Variants in LRMDA observed in about 807,000 individuals in gnomAD.
LRMDA encodes the protein leucine-rich melanocyte differentiation-associated protein.
LRMDA carries 18 observed loss-of-function variants against 29.8 expected under a neutral mutation model. That is an observed-to-expected ratio of 0.60 (90% CI 0.42 to 0.90). The LOEUF is 0.90. Among genes scored for constraint, LRMDA ranks in the 40% least tolerant of loss-of-function variants. The pLI is 0.00. For synonymous variants in LRMDA, 125 were observed against 109.4 expected, an observed-to-expected ratio of 1.14 and a Z score of -0.89; for missense variants, 273 against 273.9, an observed-to-expected ratio of 1.00 and a Z score of 0.02.
intron 5 of LRMDA, among the ~76,000 whole-genome samples, chr10:76,282,939 TC>T (rs35967082): frequency 6.6e-6 from 1 of 152,102 alleles, no homozygotes; most frequent in Non-Finnish European, 1.5e-5. Flanking sequence ...TTTGCTATTT[TC>T]CCTTGGTGTG....
chr10:75,999,979 C>G (rs1221175787), intron 2 of LRMDA, among the ~76,000 whole-genome samples: 1 of 152,172 alleles, frequency 6.6e-6, no homozygotes, highest in Non-Finnish European at 1.5e-5. Flanking sequence ...CTGACACTTG[C>G]TAACCTGTGA....
chr10:75,901,096 G>A (rs917637513), intron 2 of LRMDA, among the ~76,000 whole-genome samples: 1 of 152,150 alleles, frequency 6.6e-6, no homozygotes, highest in Non-Finnish European at 1.5e-5. Context: ...AGAGGGAAAG[G>A]GAGATGCAAG....
intron 5 of LRMDA, among the ~76,000 whole-genome samples, chr10:76,119,114 G>T (rs1849721844): frequency 6.6e-6 from 1 of 151,936 alleles, no homozygotes. Flanking sequence ...GTGAACATCT[G>T]TTGGTATTCC....
In LRMDA at chr10:75,638,583, G is replaced by A. The variant is rs1841415324; in HGVS notation, c.131+200089G>A. Among the ~76,000 whole-genome samples the A allele has an allele frequency of 1.3e-5, 2 of 152,108 alleles. 1 individual carries two copies. Among genetic ancestry groups the A allele is most frequent in the Admixed American group, 1.3e-4 (2 of 15,264 alleles). On this transcript the variant is annotated intron_variant, in intron 2 of 6. Transcript: ENST00000611255. ...TTGATGAAACCGTTTGTGATGTCCA[G>A]CATATATTTTGCTGCACACTGTGTG...
At chr10:75,798,213 C>A (rs958655107) in intron 2 of LRMDA, among the ~76,000 whole-genome samples, 2 of 151,792 alleles carry the variant, frequency 1.3e-5, no homozygotes, top group African/African-American at 4.8e-5. Flanking sequence ...GGATATAATT[C>A]CTTTATAAAG....
intron 6 of LRMDA, among the ~76,000 whole-genome samples, chr10:76,401,194 AGACTCAATGGATGGTATGCTCCAGT>A (rs1182790285): frequency 8.1e-4 from 124 of 152,246 alleles, no homozygotes; most frequent in African/African-American, 2.9e-3. Context: ...TCAGTGGATG[AGACTCAATGGATGGTATGCTCCAGT>A]GACTCAATGG....
chr10:75,754,313 A>T (rs963846506), intron 2 of LRMDA, among the ~76,000 whole-genome samples: 5 of 152,196 alleles, frequency 3.3e-5, no homozygotes, highest in African/African-American at 1.2e-4. Context: ...TGTAGCCAGG[A>T]TGCCATGTTG....
At chr10:76,338,347 T>C (rs1840994800) in intron 6 of LRMDA, among the ~76,000 whole-genome samples, 1 of 150,328 alleles carries the variant, frequency 6.7e-6, no homozygotes, top group Admixed American at 6.7e-5. Flanking sequence ...CGGGGCAGCA[T>C]AGTGAGACAC....
chr10:75,670,866 T>C (rs771282049), intron 2 of LRMDA, among the ~76,000 whole-genome samples: 3 of 152,164 alleles, frequency 2.0e-5, no homozygotes, highest in Non-Finnish European at 2.9e-5. Context: ...TGCGGACTCA[T>C]GCCTCTGCTT....
chr10:76,360,158 T>G (rs999056418), intron 6 of LRMDA, among the ~76,000 whole-genome samples: 1 of 152,048 alleles, frequency 6.6e-6, no homozygotes, highest in African/African-American at 2.4e-5. Flanking sequence ...CTAGCTAATT[T>G]TGTATTTTTA....
intron 2 of LRMDA, among the ~76,000 whole-genome samples, chr10:75,702,530 C>T (rs1842321212): frequency 6.6e-6 from 1 of 152,088 alleles, no homozygotes; most frequent in Admixed American, 6.5e-5. Context: ...TTCAGTGAAG[C>T]CCAGGTCTGA....
intron 2 of LRMDA, among the ~76,000 whole-genome samples, chr10:75,538,680 C>T (rs1242531698): frequency 6.6e-6 from 1 of 151,934 alleles, no homozygotes; most frequent in East Asian, 1.9e-4. Flanking sequence ...TCATCTATGC[C>T]TTTGTTAACT....
At chr10:75,954,482 T>C (rs1589265589) in intron 2 of LRMDA, among the ~76,000 whole-genome samples, 1 of 152,250 alleles carries the variant, frequency 6.6e-6, no homozygotes, top group East Asian at 1.9e-4. Context: ...TTTATGACTC[T>C]GAAATGGGGG....
intron 5 of LRMDA, among the ~76,000 whole-genome samples, chr10:76,299,845 G>A (rs1290605285): frequency 6.6e-6 from 1 of 152,140 alleles, no homozygotes; most frequent in Non-Finnish European, 1.5e-5. Flanking sequence ...CAAAGAAATG[G>A]AGGCCTGAGA....
chr10:75,453,861 T>C (rs1424434361), intron 2 of LRMDA, among the ~76,000 whole-genome samples: 1 of 152,234 alleles, frequency 6.6e-6, no homozygotes, highest in Non-Finnish European at 1.5e-5. Context: ...CTGACACCTG[T>C]GTAACAAAAG....
chr10:75,543,845 G>A (rs567537147), intron 2 of LRMDA, among the ~76,000 whole-genome samples: 1 of 152,032 alleles, frequency 6.6e-6, no homozygotes, highest in Admixed American at 6.6e-5. Flanking sequence ...AAACATGACA[G>A]TAAGCTGAAA....
intron 2 of LRMDA, among the ~76,000 whole-genome samples, chr10:75,929,994 G>A (rs896811857): frequency 2.0e-5 from 3 of 152,164 alleles, no homozygotes; most frequent in African/African-American, 7.2e-5. Context: ...AAAGACCTTA[G>A]GAAATCTTGT....
chr10:76,363,136 A>AGAAG (rs1841333468), intron 6 of LRMDA, among the ~76,000 whole-genome samples: 1 of 30,556 alleles, frequency 3.3e-5, no homozygotes, highest in African/African-American at 1.5e-4. Context: ...AAAGAAAGAA[A>AGAAG]GAAAGAAAGA....
chr10:76,238,593 A>G (rs987546666), intron 5 of LRMDA, among the ~76,000 whole-genome samples: 1 of 151,976 alleles, frequency 6.6e-6, no homozygotes, highest in Admixed American at 6.6e-5. Flanking sequence ...AGGTAGAAAC[A>G]CATAAGGATA....
Sources: gnomAD v4.1 joint callset for allele counts (sites outside exome capture counted in the v4.1 genomes callset) on GRCh38, gnomAD v4.1.1 for gene constraint, MANE v1.5 for transcripts, NCBI Gene and HGNC (gene_info 2026-07-23, HGNC 2026-07-21) for gene names.